The following EWSR1 variants were observed in gnomAD, a reference collection of about 807,000 sequenced individuals.
EWSR1 encodes the protein RNA-binding protein EWS.
In EWSR1, 14 loss-of-function variants were observed where a neutral mutation model predicts 92.1. That is an observed-to-expected ratio of 0.15 (90% confidence interval 0.10 to 0.24). The LOEUF (loss-of-function observed/expected upper bound fraction) is 0.24. Among genes scored for constraint, EWSR1 ranks in the 10% least tolerant of loss-of-function variants. The probability of loss-of-function intolerance (pLI) is 1.00; values close to 1 mark genes in which losing one functional copy is unlikely to be tolerated. For missense variants in EWSR1, 637 were observed against 870.9 expected (o/e 0.73, Z 3.38); for synonymous variants, 303 against 292.9 (o/e 1.03, Z -0.35).
chr22:29,288,972 T>C (rs1174060968), intron 8 of EWSR1, 186 bp downstream of exon 8: 4 of 583,532 alleles, frequency 6.9e-6, no homozygotes, highest in Non-Finnish European at 1.1e-5. Flanking sequence ...GCAGTTTATT[T>C]TCTTTCCCTG....
chr22:29,271,665 G>C lies in EWSR1; in HGVS notation c.14-551G>C, dbSNP rs552318077. On this transcript the variant is annotated intron_variant, in intron 1 of 16. Coordinates refer to ENST00000397938, the MANE Select transcript of EWSR1 (RefSeq NM_005243.4). ...ACACAGCAAACCCTTTAAAACACTG[G>C]AGTGTGGTGACTGCCTTCTTGTCTG... Among the ~76,000 whole-genome samples the C allele has an allele frequency of 7.2e-5, 11 of 152,310 alleles. No homozygotes were observed. In the East Asian group the frequency reaches 2.1e-3, roughly 29 times the overall value.
At chr22:29,268,387 CG>C (rs764702775) in intron 1 of EWSR1, 38 bp downstream of exon 1, 5 of 1,613,848 alleles carry the variant, frequency 3.1e-6, no homozygotes. Context: ...CGGCGGTAGC[CG>C]GAACGCCCAA....
intron 8 of EWSR1, 114 bp downstream of exon 8, chr22:29,288,900 C>A: frequency 9.7e-7 from 1 of 1,029,700 alleles, no homozygotes; most frequent in South Asian, 2.0e-5. Flanking sequence ...CATGGACAAT[C>A]TGTTGAGCTC....
chr22:29,282,637 C>T (rs2059695977), intron 6 of EWSR1, 80 bp downstream of exon 6: 7 of 1,246,978 alleles, frequency 5.6e-6, no homozygotes, highest in Non-Finnish European at 7.6e-6. Flanking sequence ...GCTTTGACTT[C>T]TTCAGCTAAG....
In EWSR1 at chr22:29,297,965, T is replaced by A; in HGVS notation, c.1417+16T>A. 6.2e-7 allele frequency: 1 copy of A among 1,604,298 alleles called. No individual in the cohort carries two copies. Among genetic ancestry groups the A allele is most frequent in the Non-Finnish European group, 8.5e-7 (1 of 1,176,294 alleles). ...CTCCGTGGAGGTACTTTTTCTGAGC[T>A]CCTATGTTGCATTAAAAGGTTTTCA... On this transcript the variant is annotated intron_variant, in intron 13 of 16. Coordinates refer to ENST00000397938, the MANE Select transcript of EWSR1 (RefSeq NM_005243.4).
intron 11 of EWSR1, among the ~76,000 whole-genome samples, chr22:29,294,651 C>T (rs982838459): frequency 1.3e-5 from 2 of 148,834 alleles, no homozygotes; most frequent in Non-Finnish European, 3.0e-5. Context: ...CGTGGTGGCT[C>T]ATGCCTGTAA....
intron 9 of EWSR1, 88 bp from the exon 10 acceptor site, chr22:29,292,049 T>C (rs1231855140): frequency 9.1e-7 from 1 of 1,097,528 alleles, no homozygotes; most frequent in Non-Finnish European, 1.4e-6. Context: ...CAAATGGTGG[T>C]ATAGTAGATA....
At chr22:29,290,290 G>C (rs2147482237) in intron 8 of EWSR1, 2 of 889,284 alleles carry the variant, frequency 2.2e-6, no homozygotes, top group South Asian at 3.6e-5. Flanking sequence ...TCAGTGTCTT[G>C]TACAGGTAAG....
At chr22:29,292,195 C>T in intron 10 of EWSR1, 26 bp downstream of exon 10, 2 of 1,610,872 alleles carry the variant, frequency 1.2e-6, no homozygotes, top group Non-Finnish European at 1.7e-6. Context: ...AGTTGTGCTT[C>T]ATATCGTGCT....
chr22:29,278,862 G>A (rs2059334320), intron 5 of EWSR1, among the ~76,000 whole-genome samples: 1 of 151,972 alleles, frequency 6.6e-6, no homozygotes, highest in Non-Finnish European at 1.5e-5. Context: ...GGGCGTGGTG[G>A]CGCACACCTG....
chr22:29,283,504 A>T (rs553043094), intron 6 of EWSR1, among the ~76,000 whole-genome samples: 2 of 150,682 alleles, frequency 1.3e-5, no homozygotes, highest in Admixed American at 6.6e-5. Flanking sequence ...GCATGCCACC[A>T]CACCTGACTA....
At position 29,299,711 on chromosome 22, in the gene EWSR1, T is replaced by G. The variant is rs766181979; in HGVS notation, c.1791T>G (p.Gly597=). The G allele has an allele frequency of 6.2e-7, 1 of 1,611,934 alleles. No individual in the cohort carries two copies. The highest frequency in any genetic ancestry group is 1.7e-5 in the Admixed American group (1 of 59,854). The change falls in exon 16 of 17, where the codon GGT becomes GGG. Residue 597 remains glycine, a synonymous_variant. Coordinates refer to ENST00000397938, the MANE Select transcript of EWSR1 (RefSeq NM_005243.4). ...MFRGGRGGDR[G]GFRGGRGMDR... ...GAGGTGGCCGTGGTGGAGACAGAGG[T>G]GGCTTCCGTGGTGGCCGGGGCATGG...
chr22:29,282,806 A>G (rs2059712704), intron 6 of EWSR1, among the ~76,000 whole-genome samples: 1 of 139,690 alleles, frequency 7.2e-6, no homozygotes, highest in African/African-American at 2.7e-5. Flanking sequence ...TCTGTCGCCC[A>G]GGCTGGAGTG....
Position 29,294,202 on chromosome 22 carries a change from G to GTC in EWSR1, c.1164+1596_1164+1597insTC, listed in dbSNP as rs879629425. ...AGTAAAGACTATCGATTTCCTTAAA[G>GTC]GTCTTGCAAATTTTACTAGTTTTAC... On this transcript the variant is annotated intron_variant, in intron 11 of 16. Transcript: ENST00000397938. Among the ~76,000 whole-genome samples, 947 of 152,216 alleles carry GTC rather than the reference G, an allele frequency of 6.2e-3. 10 individuals are homozygous for GTC. Among genetic ancestry groups the GTC allele is most frequent in the African/African-American group, 0.021 (885 of 41,520 alleles).
chr22:29,278,604 C>T lies in EWSR1; in HGVS notation c.413+388C>T, dbSNP rs183803275. ...CTTTGGGAGGCCGAGGCAGGGGGAT[C>T]ACAAGGTCAGGAGATCGAGACCATC... is the stretch of plus-strand genomic sequence containing the variant. On this transcript the variant is annotated intron_variant, in intron 5 of 16. Coordinates refer to ENST00000397938, the MANE Select transcript of EWSR1 (RefSeq NM_005243.4). 3.5e-4 allele frequency among the ~76,000 whole-genome samples: 53 copies of T among 152,214 alleles called. No individual in the cohort carries two copies. The East Asian group carries it at 7.9e-3, about 23-fold the overall frequency.
At chr22:29,294,619 A>G (rs1448351131) in intron 11 of EWSR1, among the ~76,000 whole-genome samples, 1 of 147,974 alleles carries the variant, frequency 6.8e-6, no homozygotes, top group Non-Finnish European at 1.5e-5. Context: ...AAAAAAAAAA[A>G]ATACAGTTGA....
intron 3 of EWSR1, 40 bp downstream of exon 3, chr22:29,272,471 T>G (rs1569045062): frequency 6.4e-7 from 1 of 1,565,588 alleles, no homozygotes; most frequent in Admixed American, 1.7e-5. Flanking sequence ...CACCTCCAAG[T>G]AAAATCAGTA....
intron 11 of EWSR1, among the ~76,000 whole-genome samples, chr22:29,295,214 A>G (rs2060761154): frequency 6.6e-6 from 1 of 152,048 alleles, no homozygotes. Flanking sequence ...AGCATATTAA[A>G]AAGACTGCTT....
rs1429775681 is a variant in EWSR1 at position 29,287,094 on chromosome 22, A to G, written c.753A>G (p.Pro251=). The G allele has an allele frequency of 1.3e-5, 21 of 1,613,974 alleles. No homozygotes were observed. Among genetic ancestry groups the G allele is most frequent in the Admixed American group, 3.3e-5 (2 of 60,002 alleles). The part of the protein sequence containing the change: ...PPQTGSYSQA[P]SQYSQQSSSY... The stretch of plus-strand genomic sequence containing the variant: ...AAACTGGATCCTACAGCCAAGCTCC[A>G]AGTCAATATAGCCAACAGAGCAGCA... The change falls in exon 7 of 17, where the codon CCA becomes CCG. Residue 251 remains proline (P), a synonymous_variant. Coordinates refer to ENST00000397938, the MANE Select transcript of EWSR1 (RefSeq NM_005243.4).
Sources: gnomAD v4.1 joint callset for allele counts (sites outside exome capture counted in the v4.1 genomes callset) on GRCh38, gnomAD v4.1.1 for gene constraint, MANE v1.5 for transcripts, NCBI Gene and HGNC (gene_info 2026-07-23, HGNC 2026-07-21) for gene names.